The following PDK1 variants were observed in gnomAD, a reference collection of about 807,000 sequenced individuals.
PDK1 encodes pyruvate dehydrogenase kinase 1.
PDK1 carries 39 observed loss-of-function variants against 54.2 expected under a neutral mutation model. The ratio of observed to expected loss-of-function variants is 0.72; its 90% CI spans 0.56 to 0.94. PDK1 has a LOEUF of 0.94. Ranked by LOEUF, PDK1 falls within the 40% of genes least tolerant of loss-of-function variation. The pLI, the probability that PDK1 is intolerant of heterozygous loss-of-function variation, is 0.00. For missense variants in PDK1, 552 were observed against 566.0 expected (o/e 0.98, Z 0.25); for synonymous variants, 221 against 207.1 (o/e 1.07, Z -0.58).
At chr2:172,619,941 G>T in the PDK1 span, among the ~76,000 whole-genome samples, 100 of 152,332 alleles carry the variant, frequency 6.6e-4, no homozygotes, top group Non-Finnish European at 1.1e-3. Context: ...CAGGTGGGTG[G>T]ATCATTTGAG....
chr2:172,570,970 T>C (rs1222744879), intron 8 of PDK1, 146 bp downstream of exon 8: 1 of 563,860 alleles, frequency 1.8e-6, no homozygotes, highest in East Asian at 2.9e-5. Context: ...AATAAGCACA[T>C]TGCTTCATTG....
At chr2:172,566,741 AT>A (rs2149216759) in intron 5 of PDK1, 114 bp from the exon 6 acceptor site, 1 of 500,782 alleles carries the variant, frequency 2.0e-6, no homozygotes, top group South Asian at 3.5e-5. Context: ...ATCAAAGTAT[AT>A]TTTCTTCTGT....
chr2:172,666,683 A>G, the PDK1 span, among the ~76,000 whole-genome samples: 1 of 152,208 alleles, frequency 6.6e-6, no homozygotes, highest in Non-Finnish European at 1.5e-5. Context: ...GCAGGTGACC[A>G]AAGATGACTA....
At chr2:172,637,909 G>A in the PDK1 span, among the ~76,000 whole-genome samples, 1 of 152,080 alleles carries the variant, frequency 6.6e-6, no homozygotes, top group South Asian at 2.1e-4. Context: ...TGTTGGCCAA[G>A]CTGGTCTCAA....
At chr2:172,638,724 C>A in the PDK1 span, among the ~76,000 whole-genome samples, 1 of 151,820 alleles carries the variant, frequency 6.6e-6, no homozygotes, top group African/African-American at 2.4e-5. Context: ...CCAATCAATG[C>A]TCTGTGTCTA....
At chr2:172,576,102 A>G (rs1157779586) in intron 8 of PDK1, among the ~76,000 whole-genome samples, 2 of 151,732 alleles carry the variant, frequency 1.3e-5, no homozygotes, top group African/African-American at 4.8e-5. Flanking sequence ...TAATTTTTGT[A>G]TTTTTAGTAG....
intron 8 of PDK1, among the ~76,000 whole-genome samples, chr2:172,582,171 C>G (rs1180706270): frequency 6.6e-6 from 1 of 152,200 alleles, no homozygotes; most frequent in East Asian, 1.9e-4. Context: ...ACCTCAGACT[C>G]CCAAAGTGCT....
chr2:172,720,348 C>A, the PDK1 span, among the ~76,000 whole-genome samples: 1 of 152,258 alleles, frequency 6.6e-6, no homozygotes, highest in East Asian at 1.9e-4. Context: ...TTCCCGACTT[C>A]AAGTAATCCG....
chr2:172,713,689 G>A, the PDK1 span, among the ~76,000 whole-genome samples: 2 of 152,242 alleles, frequency 1.3e-5, no homozygotes, highest in African/African-American at 4.8e-5. Flanking sequence ...TTCTGTGCCT[G>A]TGCGGACAGG....
the PDK1 span, chr2:172,723,569 A>G: frequency 6.6e-6 from 1 of 152,222 alleles, no homozygotes; most frequent in African/African-American, 2.4e-5. Flanking sequence ...AATTTTTAAA[A>G]ATGGTTGAGG....
chr2:172,556,336 C>T lies in PDK1; in HGVS notation c.186C>T (p.Phe62=), dbSNP rs1688319399. The T allele has an allele frequency of 2.7e-6, 4 of 1,459,998 alleles. No individual in the cohort carries two copies. Among genetic ancestry groups the T allele is most frequent in the East Asian group, 2.8e-5 (1 of 36,236 alleles). 90.4% of individuals were successfully genotyped at this position (1,459,998 alleles called of 1,614,324 possible). A position where few individuals can be genotyped will look rare whatever the true frequency, so the allele number is the denominator to read the frequency against. The change falls in exon 1 of 11, where the codon TTC becomes TTT. Residue 62 remains phenylalanine, a synonymous_variant. Transcript: ENST00000282077. The part of the protein sequence containing the change: ...FSPSPLSMKQ[F]LDFGSVNACE... ...CGTCCCCGCTCTCCATGAAGCAGTTCCTGGACTTCGGTGAGTGCGGCCCGG... is the reference window on the plus strand; with the variant it reads ...CGTCCCCGCTCTCCATGAAGCAGTTTCTGGACTTCGGTGAGTGCGGCCCGG...
the PDK1 span, among the ~76,000 whole-genome samples, chr2:172,683,712 T>C: frequency 6.6e-6 from 1 of 152,208 alleles, no homozygotes; most frequent in South Asian, 2.1e-4. Context: ...TGAGTAAAGT[T>C]ACAAAATAGG....
chr2:172,592,199 T>C (rs550650555), intron 9 of PDK1, among the ~76,000 whole-genome samples: 33 of 152,386 alleles, frequency 2.2e-4, no homozygotes, highest in East Asian at 7.7e-4. Context: ...TGGAGTGTTA[T>C]AGGGTTACAG....
chr2:172,625,746 C>G, the PDK1 span, among the ~76,000 whole-genome samples: 1 of 152,146 alleles, frequency 6.6e-6, no homozygotes, highest in Non-Finnish European at 1.5e-5. Flanking sequence ...TGTTTCCCCT[C>G]TCTGGATTTG....
intron 9 of PDK1, among the ~76,000 whole-genome samples, chr2:172,592,297 A>C (rs752532688): frequency 6.6e-6 from 1 of 151,834 alleles, no homozygotes; most frequent in Non-Finnish European, 1.5e-5. Flanking sequence ...TACTACTTCT[A>C]TCTCTCTTTC....
the PDK1 span, among the ~76,000 whole-genome samples, chr2:172,669,680 T>C: frequency 6.6e-6 from 1 of 152,234 alleles, no homozygotes; most frequent in Non-Finnish European, 1.5e-5. Context: ...CCAACACTTG[T>C]TTTGGTAATA....
the PDK1 span, among the ~76,000 whole-genome samples, chr2:172,704,122 G>A: frequency 7.2e-5 from 11 of 152,224 alleles, no homozygotes; most frequent in South Asian, 4.1e-4. Flanking sequence ...AAGGAATACT[G>A]TAAAATAGGG....
At chr2:172,611,494 A>G (rs1558969485), downstream of PDK1, among the ~76,000 whole-genome samples, 1 of 152,200 alleles carries the variant, frequency 6.6e-6, no homozygotes, top group Non-Finnish European at 1.5e-5. Context: ...GTAAAAAAAA[A>G]TTAATGTTGG....
At chr2:172,672,919 G>A in the PDK1 span, among the ~76,000 whole-genome samples, 2 of 152,196 alleles carry the variant, frequency 1.3e-5, no homozygotes, top group African/African-American at 2.4e-5. Context: ...ATCAAAGCAT[G>A]TTACCAGCAG....
Sources: gnomAD v4.1 joint callset for allele counts (sites outside exome capture counted in the v4.1 genomes callset) on GRCh38, gnomAD v4.1.1 for gene constraint, MANE v1.5 for transcripts, NCBI Gene and HGNC (gene_info 2026-07-23, HGNC 2026-07-21) for gene names.